Variants in SYNJ1 observed in about 807,000 individuals in gnomAD.
SYNJ1 encodes the protein synaptojanin 1, also known as polyphosphatidylinositol phosphatase SYNJ1.
A neutral mutation model predicts 168.2 loss-of-function variants in SYNJ1; 78 were observed. The observed-to-expected ratio is 0.46, with a 90% CI of 0.39 to 0.56. The LOEUF (loss-of-function observed/expected upper bound fraction) is 0.56. SYNJ1 is among the 20% of genes least tolerant of loss of function. The pLI, the probability that SYNJ1 is intolerant of heterozygous loss-of-function variation, is 0.00. For missense variants in SYNJ1, 1,303 were observed against 1,597.6 expected (o/e 0.82, Z 3.14); for synonymous variants, 539 against 548.6 (o/e 0.98, Z 0.24).
chr21:32,695,993 C>G (rs1353085421), intron 4 of SYNJ1, among the ~76,000 whole-genome samples: 1 of 151,990 alleles, frequency 6.6e-6, no homozygotes, highest in African/African-American at 2.4e-5. Context: ...ACCACAGGCG[C>G]CCACCACCAT....
At chr21:32,699,798 A>T in intron 4 of SYNJ1, 40 bp downstream of exon 4, 1 of 1,586,592 alleles carries the variant, frequency 6.3e-7, no homozygotes. Flanking sequence ...TGCTGAACAT[A>T]TTATGTCCCA....
At chr21:32,653,875 G>C (rs2040364757) in intron 21 of SYNJ1, 1 of 152,122 alleles carries the variant, frequency 6.6e-6, no homozygotes, top group African/African-American at 2.4e-5. Context: ...AGAAGCCTTA[G>C]ATAAGTTATG....
Position 32,657,110 on chromosome 21 carries a change from T to C in SYNJ1, c.2472A>G (p.Leu824=). The C allele has an allele frequency of 6.2e-7, 1 of 1,606,264 alleles. No homozygotes were observed. Among genetic ancestry groups the C allele is most frequent in the Non-Finnish European group, 8.5e-7 (1 of 1,172,872 alleles). ...KWPFDRSAED[L]DLLNASFQDE... is the part of the protein sequence containing the mutation. The stretch of plus-strand genomic sequence containing the variant: ...CTTGAAAACTAGCATTTAGAAGATC[T>C]AGATCTTCAGCTGCAGTCAGAAGAA... The change falls in exon 20 of 33, where the codon CTA becomes CTG. Residue 824 remains leucine, a synonymous_variant. Coordinates refer to ENST00000674351, the MANE Select transcript of SYNJ1 (RefSeq NM_203446.3).
intron 29 of SYNJ1, among the ~76,000 whole-genome samples, chr21:32,641,117 A>T (rs1027684101): frequency 6.6e-6 from 1 of 152,230 alleles, no homozygotes; most frequent in African/African-American, 2.4e-5. Flanking sequence ...TTCTATCTTC[A>T]TAGGAAGTGG....
intron 8 of SYNJ1, among the ~76,000 whole-genome samples, chr21:32,686,617 C>T (rs1419952097): frequency 6.6e-6 from 1 of 152,100 alleles, no homozygotes; most frequent in Non-Finnish European, 1.5e-5. Flanking sequence ...AAAACAATGA[C>T]TATGGTTCTA....
chr21:32,721,196 G>A (rs2043206659), intron 2 of SYNJ1, among the ~76,000 whole-genome samples: 1 of 152,152 alleles, frequency 6.6e-6, no homozygotes, highest in Non-Finnish European at 1.5e-5. Context: ...CTATTCCAAA[G>A]ACATCAAATT....
In SYNJ1 at chr21:32,645,743, G is replaced by A; in HGVS notation, c.3294C>T (p.Asp1098=). 1.4e-6 allele frequency: 2 copies of A among 1,466,914 alleles called. No individual in the cohort carries two copies. Among genetic ancestry groups the A allele is most frequent in the Non-Finnish European group, 1.8e-6 (2 of 1,108,014 alleles). 90.9% of individuals were successfully genotyped at this position (1,466,914 alleles called of 1,614,324 possible). A position where few individuals can be genotyped will look rare whatever the true frequency, so the allele number is the denominator to read the frequency against. Residue 1098 remains aspartate (D), a synonymous_variant, in exon 25 of 33, where the codon GAC becomes GAT. Transcript: ENST00000674351. ...GCTTGGGCTCCAAGGGCTGGGCGGG[G>A]TCTTTCTGCGGCAGCGGCGTTGCTG... ...AQPATPLPQK[D]PAQPLEPKRP... is the part of the protein sequence containing the mutation.
intron 2 of SYNJ1, among the ~76,000 whole-genome samples, chr21:32,712,001 T>C (rs2146308863): frequency 6.6e-6 from 1 of 152,378 alleles, no homozygotes; most frequent in South Asian, 2.1e-4. Flanking sequence ...CAACTTCTGA[T>C]GGATTATAAT....
At chr21:32,728,126 A>G, upstream of SYNJ1, 1 of 1,413,604 alleles carries the variant, frequency 7.1e-7, no homozygotes, top group Non-Finnish European at 9.3e-7. Flanking sequence ...CTCTGCGCCG[A>G]CCGGCTGGGC....
chr21:32,687,755 T>C (rs1485846973), intron 7 of SYNJ1, among the ~76,000 whole-genome samples: 1 of 152,110 alleles, frequency 6.6e-6, no homozygotes, highest in African/African-American at 2.4e-5. Context: ...TATATATGGA[T>C]TTTTTTCAAC....
intron 1 of SYNJ1, 140 bp downstream of exon 1, chr21:32,727,806 C>G: frequency 1.4e-6 from 2 of 1,450,772 alleles, no homozygotes; most frequent in African/African-American, 1.5e-5. Flanking sequence ...CCCGTCCTCC[C>G]GCACCCCGGC....
rs772803752 is a variant in SYNJ1 at position 32,673,513 on chromosome 21, T to C, written c.1553A>G (p.Lys518Arg). The change falls in exon 14 of 33, where the codon AAG (lysine) becomes AGG (arginine). Residue 518 changes from lysine (K) to arginine (R), a missense_variant. Lys to Arg is a conservative substitution (Grantham distance 26). Transcript: ENST00000674351. ...TTTGTAGAAATTCTCACACATGCTC[T>C]TTAGTACTTTAGAAGATGCTAATCA... is the stretch of plus-strand genomic sequence containing the variant. Reference protein sequence around the residue: ...TLQSASSKVLKSMCENFYKYS... With the variant: ...TLQSASSKVLRSMCENFYKYS... The C allele has an allele frequency of 1.2e-6, 2 of 1,609,778 alleles. No homozygotes were observed. Among genetic ancestry groups the C allele is most frequent in the South Asian group, 2.2e-5 (2 of 90,264 alleles).
At chr21:32,644,631 C>T (rs1032269280) in intron 26 of SYNJ1, among the ~76,000 whole-genome samples, 1 of 152,146 alleles carries the variant, frequency 6.6e-6, no homozygotes, top group African/African-American at 2.4e-5. Context: ...CTTTGCTAAT[C>T]CAAAAGCTTT....
rs747582266 is a variant in SYNJ1, at chr21:32,641,910, T to C, written c.3574A>G (p.Ser1192Gly). ...GTTTTACCTACCGGTCTGGCTGTACTGTATCCAGCAGGTCCTGGGCCTGCA... is the reference window on the plus strand; with the variant it reads ...GTTTTACCTACCGGTCTGGCTGTACCGTATCCAGCAGGTCCTGGGCCTGCA... Reference protein sequence around the residue: ...GLAGPGPAGYSTARPTIPPRA... With the variant: ...GLAGPGPAGYGTARPTIPPRA... Residue 1192 changes from serine to glycine, a missense_variant, in exon 29 of 33, where the codon AGT becomes GGT. Ser to Gly is a moderately conservative substitution (Grantham distance 56). Transcript: ENST00000674351. The C allele has an allele frequency of 8.1e-6, 13 of 1,612,824 alleles. No individual in the cohort carries two copies. The South Asian group carries it at 1.2e-4, about 15-fold the overall frequency.
intron 18 of SYNJ1, among the ~76,000 whole-genome samples, chr21:32,658,720 G>A (rs980517725): frequency 6.6e-6 from 1 of 152,112 alleles, no homozygotes; most frequent in Non-Finnish European, 1.5e-5. Flanking sequence ...GCCCAAAAGC[G>A]CTCACCCCAG....
chr21:32,631,852 C>T, intron 32 of SYNJ1, 51 bp from the exon 33 acceptor site: 1 of 1,451,858 alleles, frequency 6.9e-7, no homozygotes, highest in Non-Finnish European at 9.3e-7. Flanking sequence ...ACTCTTAATA[C>T]CCCCTATTCT....
intron 9 of SYNJ1, among the ~76,000 whole-genome samples, chr21:32,685,254 T>G (rs2146083506): frequency 6.6e-6 from 1 of 151,312 alleles, no homozygotes; most frequent in African/African-American, 2.4e-5. Flanking sequence ...AACCTCTCAT[T>G]ATTATTTGGT....
rs916664919 is a variant in SYNJ1, at chr21:32,630,081, T to C, written c.*1724A>G. On this transcript the variant is annotated 3_prime_UTR_variant, in exon 33 of 33. Transcript: ENST00000674351. ...ACGCAGAGAAGAGAGTACGGTTAGCTCTAATATTTCTCATTGAACTTGGTG... is the reference window on the plus strand; with the variant it reads ...ACGCAGAGAAGAGAGTACGGTTAGCCCTAATATTTCTCATTGAACTTGGTG... The C allele has an allele frequency of 3.3e-5, 5 of 152,208 alleles. No individual in the cohort carries two copies. Among genetic ancestry groups the C allele is most frequent in the Non-Finnish European group, 7.3e-5 (5 of 68,052 alleles). 9.4% of individuals were successfully genotyped at this position (152,208 alleles called of 1,614,324 possible).
At chr21:32,653,230 A>T in intron 22 of SYNJ1, 58 bp downstream of exon 22, 2 of 1,353,336 alleles carry the variant, frequency 1.5e-6, no homozygotes, top group South Asian at 2.4e-5. Context: ...TAAAAATATC[A>T]TACCATCTTC....
Sources: allele counts gnomAD v4.1 joint callset (sites outside exome capture counted in the v4.1 genomes callset), GRCh38; gene constraint gnomAD v4.1.1; transcripts MANE v1.5; gene names NCBI Gene and HGNC (gene_info 2026-07-23, HGNC 2026-07-21).